PRKN: variants seen among roughly 807,000 people sequenced by gnomAD.
PRKN encodes the protein E3 ubiquitin-protein ligase parkin.
In PRKN, 56 loss-of-function variants were observed where a neutral mutation model predicts 59.5. The ratio of observed to expected loss-of-function variants is 0.94; its 90% CI spans 0.76 to 1.18. The LOEUF (loss-of-function observed/expected upper bound fraction) is 1.18, where lower values mean the gene tolerates loss of function less well. Ranked by LOEUF, PRKN falls within the 50% of genes most tolerant of loss-of-function variation. PRKN has a pLI of 0.00. For missense variants in PRKN, 657 were observed against 596.4 expected (o/e 1.10, Z -1.06); for synonymous variants, 250 against 222.1 (o/e 1.13, Z -1.12).
At chr6:161,481,717 G>T (rs150847325) in intron 9 of PRKN, among the ~76,000 whole-genome samples, 1,535 of 152,296 alleles carry the variant, frequency 0.01, 34 homozygotes, top group African/African-American at 0.035. Context: ...AAAGGCAGCT[G>T]TCATTAAATC....
intron 1 of PRKN, among the ~76,000 whole-genome samples, chr6:162,567,908 A>G (rs1251576269): frequency 6.6e-6 from 1 of 152,204 alleles, no homozygotes; most frequent in South Asian, 2.1e-4. Flanking sequence ...GTACTGGCAT[A>G]AAAACAGACA....
chr6:161,350,280 C>G, intron 11 of PRKN, 69 bp from the exon 12 acceptor site: 2 of 990,224 alleles, frequency 2.0e-6, no homozygotes, highest in South Asian at 1.4e-5. Context: ...CATTCCCAAA[C>G]CAGCACGCTA....
At chr6:161,978,454 C>T (rs1781137319) in intron 5 of PRKN, among the ~76,000 whole-genome samples, 1 of 152,286 alleles carries the variant, frequency 6.6e-6, no homozygotes, top group South Asian at 2.1e-4. Flanking sequence ...AAGGAACACA[C>T]AATAGAAGTG....
intron 4 of PRKN, among the ~76,000 whole-genome samples, chr6:162,107,980 T>C (rs1780264762): frequency 6.6e-6 from 1 of 152,214 alleles, no homozygotes; most frequent in Admixed American, 6.5e-5. Flanking sequence ...ATACATATTA[T>C]GTCTATTTAA....
At chr6:162,347,859 A>G (rs1334590531) in intron 2 of PRKN, among the ~76,000 whole-genome samples, 2 of 152,164 alleles carry the variant, frequency 1.3e-5, no homozygotes, top group East Asian at 1.9e-4. Context: ...AAAACTAACA[A>G]TCCCTAAGAG....
In PRKN at chr6:161,414,835, T is replaced by C. The variant is rs150379026; in HGVS notation, c.1084-27958A>G. On this transcript the variant is annotated intron_variant, in intron 9 of 11. Coordinates refer to ENST00000366898, the MANE Select transcript of PRKN (RefSeq NM_004562.3). The surrounding 1 kb of genome is among the most constrained non-coding windows in gnomAD (Gnocchi z 5.3). ...CTGTAGTTGCCAGACTCTATTATTG[T>C]GGGCTATAAATTAAGAGGCTTCCGT... Among the ~76,000 whole-genome samples the C allele has an allele frequency of 1.8e-4, 27 of 152,320 alleles. No individual in the cohort carries two copies. Among genetic ancestry groups the C allele is most frequent in the African/African-American group, 5.8e-4 (24 of 41,548 alleles).
intron 4 of PRKN, among the ~76,000 whole-genome samples, chr6:162,086,915 A>G (rs537696358): frequency 1.3e-5 from 2 of 152,360 alleles, no homozygotes; most frequent in African/African-American, 4.8e-5. Context: ...AAATTGCTGA[A>G]GAATTAATTA....
At chr6:161,968,161 C>T (rs890859740) in intron 6 of PRKN, among the ~76,000 whole-genome samples, 6 of 150,464 alleles carry the variant, frequency 4.0e-5, no homozygotes, top group Non-Finnish European at 8.8e-5. Context: ...GCTGGGATTA[C>T]AGGCGCGCGC....
intron 1 of PRKN, among the ~76,000 whole-genome samples, chr6:162,546,100 G>GTTTTTTTTT (rs11396761): frequency 1.7e-5 from 2 of 116,662 alleles, no homozygotes; most frequent in African/African-American, 3.5e-5. Flanking sequence ...AGTGTATGCA[G>GTTTTTTTTT]TTTTTTTTTT....
In PRKN at chr6:161,903,030, C is replaced by T. The variant is rs531336667; in HGVS notation, c.734+70272G>A. ...CTGGTTCTCTACTTAACAAGTAAGG[C>T]AGTGAGTCATCTGATCCTCACCTTC... On this transcript the variant is annotated intron_variant, in intron 6 of 11. Coordinates refer to ENST00000366898, the MANE Select transcript of PRKN (RefSeq NM_004562.3). Among the ~76,000 whole-genome samples the T allele has an allele frequency of 1.4e-3, 208 of 152,284 alleles. 1 individual carries two copies. The highest frequency in any genetic ancestry group is 3.7e-3 in the South Asian group (18 of 4,824).
intron 6 of PRKN, among the ~76,000 whole-genome samples, chr6:161,854,390 G>A (rs1793560570): frequency 6.6e-6 from 1 of 152,076 alleles, no homozygotes. Flanking sequence ...TGAAATGTTA[G>A]GCAGGAAGAA....
intron 5 of PRKN, among the ~76,000 whole-genome samples, chr6:161,977,184 G>A (rs1781064237): frequency 6.6e-6 from 1 of 152,190 alleles, no homozygotes; most frequent in Non-Finnish European, 1.5e-5. Flanking sequence ...TAGCAAGTTA[G>A]TTTGCTGCAG....
chr6:162,257,554 G>A (rs554772078), intron 3 of PRKN, among the ~76,000 whole-genome samples: 151 of 152,146 alleles, frequency 9.9e-4, no homozygotes, highest in Non-Finnish European at 2.9e-4. Flanking sequence ...CCCTGGGTAC[G>A]GCTTGAATTG....
rs1778911683 is a variant in PRKN, at chr6:162,541,153, G to A, written c.8-97680C>T. 1.3e-5 allele frequency among the ~76,000 whole-genome samples: 2 copies of A among 152,164 alleles called. 1 individual carries two copies. Among genetic ancestry groups the A allele is most frequent in the South Asian group, 4.1e-4 (2 of 4,834 alleles). On this transcript the variant is annotated intron_variant, in intron 1 of 11. Transcript: ENST00000366898. ...GGTGCCAGAGGTTGTTCTGGGCTCA[G>A]GCAGTACAATGGTGTATAAAGCTGC...
chr6:161,919,417 G>A (rs538137623), intron 6 of PRKN, among the ~76,000 whole-genome samples: 34 of 152,286 alleles, frequency 2.2e-4, no homozygotes, highest in African/African-American at 6.7e-4. Flanking sequence ...TCTGAAACTG[G>A]ATTGTGATAA....
chr6:161,600,742 GTCTT>G (rs1782076507), intron 7 of PRKN, among the ~76,000 whole-genome samples: 1 of 152,038 alleles, frequency 6.6e-6, no homozygotes. Context: ...TACTAGATGG[GTCTT>G]TCTTTCCTTT....
Position 161,566,282 on chromosome 6 carries a change from G to A in PRKN, c.933+3073C>T, listed in dbSNP as rs1780639885. Among the ~76,000 whole-genome samples, 1 of 152,168 alleles carries A rather than the reference G, an allele frequency of 6.6e-6. No homozygotes were observed. ...GGACCTCCACATTGTGGAGTCCAGTGCTCATTTCTCATCCTTGTCCTTCTT... is the reference window on the plus strand; with the variant it reads ...GGACCTCCACATTGTGGAGTCCAGTACTCATTTCTCATCCTTGTCCTTCTT... On this transcript the variant is annotated intron_variant, in intron 8 of 11. Transcript: ENST00000366898. This position sits in a 1 kb window ranked among gnomAD's most constrained non-coding sequence, Gnocchi z 4.1.
At chr6:162,009,532 A>G (rs1226446755) in intron 5 of PRKN, among the ~76,000 whole-genome samples, 3 of 151,934 alleles carry the variant, frequency 2.0e-5, no homozygotes, top group Admixed American at 6.5e-5. Context: ...TTTTTCCACA[A>G]AGAAGAAAAG....
At chr6:162,519,592 C>A (rs1016495451) in intron 1 of PRKN, among the ~76,000 whole-genome samples, 7 of 152,084 alleles carry the variant, frequency 4.6e-5, no homozygotes, top group African/African-American at 1.7e-4. Context: ...ATAGTTCAGA[C>A]TGATATAATA....
Sources: allele counts gnomAD v4.1 joint callset (sites outside exome capture counted in the v4.1 genomes callset), GRCh38; gene constraint gnomAD v4.1.1; non-coding constraint Gnocchi (gnomAD v3.1); transcripts MANE v1.5; gene names NCBI Gene and HGNC (gene_info 2026-07-23, HGNC 2026-07-21).